Variants in CIT observed in about 807,000 individuals in gnomAD.
CIT encodes the protein citron rho-interacting serine/threonine kinase, also known as citron Rho-interacting kinase.
In CIT, 79 loss-of-function variants were observed where a neutral mutation model predicts 272.7. That is an observed-to-expected ratio of 0.29 (90% CI 0.24 to 0.35). CIT has a LOEUF of 0.35. CIT is among the 10% of genes least tolerant of loss of function. The pLI is 1.00. For synonymous variants in CIT, 948 were observed against 995.6 expected (o/e 0.95, Z 0.90); for missense variants, 1,909 against 2,618.3 (o/e 0.73, Z 5.91).
intron 9 of CIT, among the ~76,000 whole-genome samples, chr12:119,818,860 A>G (rs1967438871): frequency 6.6e-6 from 1 of 152,218 alleles, no homozygotes; most frequent in Admixed American, 6.5e-5. Context: ...TTCCGTTGAC[A>G]TCACGATGCC....
intron 20 of CIT, among the ~76,000 whole-genome samples, chr12:119,759,732 C>A (rs539601851): frequency 6.6e-6 from 1 of 152,156 alleles, no homozygotes; most frequent in African/African-American, 2.4e-5. Flanking sequence ...ACCATCCCCC[C>A]ACCCCTGTGG....
intron 40 of CIT, among the ~76,000 whole-genome samples, chr12:119,707,752 G>A (rs375030945): frequency 1.3e-5 from 2 of 152,082 alleles, no homozygotes; most frequent in African/African-American, 4.8e-5. Context: ...CACCTGCCTC[G>A]GCCTCCCAAA....
Position 119,843,384 on chromosome 12 carries a change from T to C in CIT, c.516+6790A>G, listed in dbSNP as rs142978469. Among the ~76,000 whole-genome samples, 515 of 151,928 alleles carry C rather than the reference T, an allele frequency of 3.4e-3. 3 individuals carry two copies. Among genetic ancestry groups the C allele is most frequent in the African/African-American group, 0.012 (477 of 41,442 alleles). On this transcript the variant is annotated intron_variant, in intron 5 of 47. Transcript: ENST00000392521. ...GATGGCAGGGAAAATACTTCAGAGG[T>C]TATCACAGTAATTCAGAGTAGAGAA...
intron 32 of CIT, 49 bp from the exon 33 acceptor site, chr12:119,714,383 A>G (rs1363867535): frequency 3.8e-6 from 6 of 1,592,894 alleles, no homozygotes; most frequent in Non-Finnish European, 5.1e-6. Context: ...AAATGATCCC[A>G]TCAGGAAAGT....
chr12:119,857,256 G>A (rs1315487059), intron 4 of CIT, among the ~76,000 whole-genome samples: 7 of 152,282 alleles, frequency 4.6e-5, no homozygotes, highest in South Asian at 2.1e-4. Flanking sequence ...AAATTCATTA[G>A]CTAAAAGGCC....
intron 13 of CIT, among the ~76,000 whole-genome samples, chr12:119,780,354 C>T: frequency 6.6e-6 from 1 of 152,124 alleles, no homozygotes; most frequent in East Asian, 1.9e-4. Context: ...TGCAGTGGCT[C>T]ATGCCTGTAA....
At chr12:119,799,841 G>GTTTT (rs3999586) in intron 10 of CIT, among the ~76,000 whole-genome samples, 3 of 146,564 alleles carry the variant, frequency 2.0e-5, no homozygotes, top group African/African-American at 2.5e-5. Flanking sequence ...AACTTTATGA[G>GTTTT]TTTTTTTTTT....
At position 119,697,364 on chromosome 12, in the gene CIT, G is replaced by C. The variant is rs1348967502; in HGVS notation, c.5882+295C>G. On this transcript the variant is annotated intron_variant, in intron 46 of 47. Coordinates refer to ENST00000392521, the MANE Select transcript of CIT (RefSeq NM_001206999.2). The surrounding 1 kb of genome is among the most constrained non-coding windows in gnomAD (Gnocchi z 4.9). Reference sequence around the variant, plus strand: ...CAACAACTAGCACCGCAGAATACCTGCTAAAGCAATAAATGCCTAATTTGT... The same window carrying C: ...CAACAACTAGCACCGCAGAATACCTCCTAAAGCAATAAATGCCTAATTTGT... 1.3e-5 allele frequency among the ~76,000 whole-genome samples: 2 copies of C among 152,098 alleles called. No homozygotes were observed. The highest frequency in any genetic ancestry group is 4.8e-5 in the African/African-American group (2 of 41,426).
At chr12:119,723,344 G>A (rs928868753) in intron 28 of CIT, among the ~76,000 whole-genome samples, 20 of 145,662 alleles carry the variant, frequency 1.4e-4, no homozygotes, top group Admixed American at 1.2e-3. Flanking sequence ...TAGAATAAAC[G>A]CATCAACTGT....
At position 119,710,267 on chromosome 12, in the gene CIT, C is replaced by G; in HGVS notation, c.5055G>C (p.Lys1685Asn). Residue 1685 changes from lysine to asparagine, a missense_variant, in exon 39 of 48, where the codon AAG (lysine) becomes AAC (asparagine). Around this residue, in one of 8 missense-constraint regions of CIT, gnomAD observed 780 missense variants for 1,067.2 expected, o/e 0.73. Coordinates refer to ENST00000392521, the MANE Select transcript of CIT (RefSeq NM_001206999.2). The surrounding 1 kb of genome is among the most constrained non-coding windows in gnomAD (Gnocchi z 5.6). ...GCCTCACACCTGCTATCATGAGTAG[C>G]TTCTCCAGGTCCTTGATAATATAAA... is the stretch of plus-strand genomic sequence containing the variant. ...FQIYIIKDLEKLLMIAGEERA... is the reference protein window; with the variant it reads ...FQIYIIKDLENLLMIAGEERA... 6.2e-7 allele frequency: 1 copy of G among 1,614,192 alleles called. No individual in the cohort carries two copies. Among genetic ancestry groups the G allele is most frequent in the Non-Finnish European group, 8.5e-7 (1 of 1,180,032 alleles).
At chr12:119,814,525 A>G (rs1226941213) in intron 9 of CIT, among the ~76,000 whole-genome samples, 5 of 152,154 alleles carry the variant, frequency 3.3e-5, no homozygotes, top group African/African-American at 1.2e-4. Flanking sequence ...TACTCCAAAC[A>G]GACCCAACTC....
intron 26 of CIT, 138 bp from the exon 27 acceptor site, chr12:119,730,768 C>A: frequency 1.2e-6 from 1 of 846,900 alleles, no homozygotes; most frequent in Non-Finnish European, 1.8e-6. Flanking sequence ...ACTCTTAGTT[C>A]CAAACTGTCT....
intron 24 of CIT, among the ~76,000 whole-genome samples, chr12:119,735,608 C>G (rs182302481): frequency 6.6e-6 from 1 of 152,240 alleles, no homozygotes; most frequent in African/African-American, 2.4e-5. Context: ...ATGGCAAAAG[C>G]AATCAAAAGT....
rs914492835 is a variant in CIT at position 119,825,480 on chromosome 12, A to G, written c.754-112T>C. 4.2e-6 allele frequency: 4 copies of G among 941,694 alleles called. No homozygotes were observed. In the African/African-American group the frequency reaches 6.6e-5, roughly 15 times the overall value. The allele number at this position is 941,694 out of a possible 1,614,324, so 58.3% of individuals were successfully genotyped here. ...ATTTGCCACTGATTACTATTCTCCCAGGCACTTAAACCAGCTGTCAAGTGG... is the reference window on the plus strand; with the variant it reads ...ATTTGCCACTGATTACTATTCTCCCGGGCACTTAAACCAGCTGTCAAGTGG... On this transcript the variant is annotated intron_variant, in intron 7 of 47. Coordinates refer to ENST00000392521, the MANE Select transcript of CIT (RefSeq NM_001206999.2).
At chr12:119,812,014 C>T (rs903752785) in intron 9 of CIT, among the ~76,000 whole-genome samples, 3 of 147,518 alleles carry the variant, frequency 2.0e-5, no homozygotes, top group Admixed American at 1.4e-4. Context: ...GGCATGATCT[C>T]GGCTCACTGC....
At chr12:119,821,202 G>C (rs1401203979) in intron 9 of CIT, among the ~76,000 whole-genome samples, 2 of 151,924 alleles carry the variant, frequency 1.3e-5, no homozygotes, top group Non-Finnish European at 2.9e-5. Context: ...GGCTGAGGCA[G>C]GAGAATCGCT....
At chr12:119,876,606 G>C (rs921462817) in intron 1 of CIT, among the ~76,000 whole-genome samples, 1 of 152,210 alleles carries the variant, frequency 6.6e-6, no homozygotes, top group African/African-American at 2.4e-5. Flanking sequence ...AGGACAATGG[G>C]GGTGAGATGG....
At chr12:119,748,089 C>A (rs1465532623) in intron 23 of CIT, among the ~76,000 whole-genome samples, 1 of 152,098 alleles carries the variant, frequency 6.6e-6, no homozygotes, top group Non-Finnish European at 1.5e-5. Context: ...ACTCTTGAGC[C>A]TGGGAGTCAA....
At chr12:119,724,736 G>A (rs1277121633) in intron 28 of CIT, among the ~76,000 whole-genome samples, 23 of 151,962 alleles carry the variant, frequency 1.5e-4, no homozygotes, top group South Asian at 2.1e-4. Context: ...TCAAGAGATC[G>A]AGACCATCCT....
Sources: allele counts gnomAD v4.1 joint callset (sites outside exome capture counted in the v4.1 genomes callset), GRCh38; gene constraint gnomAD v4.1.1; regional missense constraint gnomAD v4.1.1; non-coding constraint Gnocchi (gnomAD v3.1); transcripts MANE v1.5; gene names NCBI Gene and HGNC (gene_info 2026-07-23, HGNC 2026-07-21).